Variants in IPO11 observed in about 807,000 individuals in gnomAD.
IPO11 encodes the protein importin-11.
In IPO11, 66 loss-of-function variants were observed where a neutral mutation model predicts 143.2. That is an observed-to-expected ratio of 0.46 (90% confidence interval 0.38 to 0.57). The LOEUF is 0.57. IPO11 is among the 20% of genes least tolerant of loss of function. The probability of loss-of-function intolerance (pLI) is 0.00; values close to 1 mark genes in which losing one functional copy is unlikely to be tolerated. For synonymous variants in IPO11, 385 were observed against 377.8 expected, an observed-to-expected ratio of 1.02 and a Z score of -0.22; for missense variants, 1,026 against 1,141.0, an observed-to-expected ratio of 0.90 and a Z score of 1.45.
At chr5:62,581,456 AGT>A (rs1180844646) in intron 27 of IPO11, 3 of 669,244 alleles carry the variant, frequency 4.5e-6, no homozygotes, top group South Asian at 2.7e-5. Context: ...ATTTGTGAAC[AGT>A]GTATTCATTT....
chr5:62,601,764 C>T lies in IPO11; in HGVS notation c.2679C>T (p.Asp893=), dbSNP rs1221217923. The change falls in exon 29 of 30, where the codon GAC becomes GAT. Residue 893 remains aspartate (D), a splice_region_variant and synonymous_variant. Coordinates refer to ENST00000325324, the MANE Select transcript of IPO11 (RefSeq NM_016338.5). ...TEDPETGTYK[D]CMLMSHLEEP... ...CATGTTTTTTAAAAAATTATTATAG[C>T]TGTATGTTGATGTCTCATCTTGAGG... The T allele has an allele frequency of 6.5e-7, 1 of 1,538,000 alleles. No homozygotes were observed. The highest frequency in any genetic ancestry group is 1.9e-5 in the Admixed American group (1 of 52,284).
At chr5:62,626,265 T>A (rs1027129113) in intron 29 of IPO11, among the ~76,000 whole-genome samples, 2 of 152,188 alleles carry the variant, frequency 1.3e-5, no homozygotes, top group Non-Finnish European at 2.9e-5. Flanking sequence ...CCTGACCTTG[T>A]GATCTGCCTG....
chr5:62,602,745 T>G (rs372342445), intron 29 of IPO11, among the ~76,000 whole-genome samples: 2 of 152,310 alleles, frequency 1.3e-5, no homozygotes, highest in African/African-American at 4.8e-5. Context: ...TTAACTCATT[T>G]TACTTTGCTT....
chr5:62,512,724 T>C (rs201954857), intron 19 of IPO11, among the ~76,000 whole-genome samples: 24,596 of 133,722 alleles, frequency 0.18, no homozygotes, highest in African/African-American at 0.27. Context: ...CAAAGGTCTC[T>C]GGTTTTCCTA....
intron 24 of IPO11, among the ~76,000 whole-genome samples, chr5:62,545,330 C>G (rs375179513): frequency 4.9e-4 from 74 of 152,174 alleles, no homozygotes; most frequent in Middle Eastern, 3.4e-3. Context: ...ACAAACCTGA[C>G]AAAAACAAGC....
intron 7 of IPO11, among the ~76,000 whole-genome samples, chr5:62,472,664 G>T (rs1283634433): frequency 6.6e-6 from 1 of 151,768 alleles, no homozygotes; most frequent in Non-Finnish European, 1.5e-5. Context: ...AGTAGCTGGG[G>T]TTACAGGTGC....
At chr5:62,441,921 C>T (rs1472340665) in intron 2 of IPO11, among the ~76,000 whole-genome samples, 1 of 151,812 alleles carries the variant, frequency 6.6e-6, no homozygotes, top group African/African-American at 2.4e-5. Context: ...TCTCGGCTTA[C>T]TGCAACCTCC....
chr5:62,590,992 G>A (rs906494560), intron 27 of IPO11, among the ~76,000 whole-genome samples: 3 of 152,120 alleles, frequency 2.0e-5, no homozygotes, highest in Non-Finnish European at 4.4e-5. Flanking sequence ...CTGTTCCCAA[G>A]TGTGATCATA....
At position 62,435,122 on chromosome 5, in the gene IPO11, A is replaced by ATG. The variant is rs1245915786; in HGVS notation, c.-6-2151_-6-2150insGT. On this transcript the variant is annotated intron_variant, in intron 1 of 29. Transcript: ENST00000325324. The stretch of plus-strand genomic sequence containing the variant: ...TATGTATATATATGTATATATGTAT[A>ATG]TATGTATATATATGTATATATGTAT... 1.4e-4 allele frequency among the ~76,000 whole-genome samples: 15 copies of ATG among 108,814 alleles called. 1 individual carries two copies. The highest frequency in any genetic ancestry group is 4.7e-4 in the African/African-American group (10 of 21,396). 71.4% of individuals were successfully genotyped at this position (108,814 alleles called of 152,430 possible). A position where few individuals can be genotyped will look rare whatever the true frequency, so the allele number is the denominator to read the frequency against.
chr5:62,610,966 T>C (rs1394728418), intron 29 of IPO11, among the ~76,000 whole-genome samples: 2 of 152,184 alleles, frequency 1.3e-5, no homozygotes, highest in East Asian at 3.8e-4. Context: ...TGTACTTGTT[T>C]TTATCTATGC....
intron 22 of IPO11, among the ~76,000 whole-genome samples, chr5:62,536,414 T>TATTCATTCATTCATTC (rs33998415): frequency 7.9e-6 from 1 of 125,820 alleles, no homozygotes; most frequent in African/African-American, 3.4e-5. Context: ...TTGATACCAG[T>TATTCATTCATTCATTC]ATTCATTCAT....
At chr5:62,541,509 G>T (rs1167082349) in intron 24 of IPO11, among the ~76,000 whole-genome samples, 1 of 93,818 alleles carries the variant, frequency 1.1e-5, no homozygotes, top group Non-Finnish European at 2.2e-5. Context: ...GTGAGGCCCC[G>T]TCTTTACAAA....
chr5:62,568,574 CAAAAAAAAAAAAAA>C (rs66748975), intron 27 of IPO11, among the ~76,000 whole-genome samples: 9 of 51,896 alleles, frequency 1.7e-4, no homozygotes, highest in Admixed American at 2.9e-4. Context: ...ACTCTGTCTC[CAAAAAAAAAAAAAA>C]AAAAAAAAAT....
intron 27 of IPO11, among the ~76,000 whole-genome samples, chr5:62,567,777 G>A (rs1019712448): frequency 1.3e-4 from 20 of 151,536 alleles, no homozygotes; most frequent in Admixed American, 2.6e-4. Flanking sequence ...GGTCAGGCTG[G>A]TCTCAAACTC....
intron 26 of IPO11, among the ~76,000 whole-genome samples, chr5:62,555,209 A>G (rs1743529861): frequency 6.6e-6 from 1 of 150,908 alleles, no homozygotes; most frequent in East Asian, 1.9e-4. Flanking sequence ...TGGCCATTTT[A>G]ATAGTATTAA....
chr5:62,430,741 A>G (rs1373241325), intron 1 of IPO11, among the ~76,000 whole-genome samples: 2 of 147,824 alleles, frequency 1.4e-5, no homozygotes, highest in Non-Finnish European at 3.0e-5. Context: ...GCAGTGGCGC[A>G]ATCTTGGCTG....
At chr5:62,413,086 A>G (rs369457526) in intron 1 of IPO11, among the ~76,000 whole-genome samples, 157 bp downstream of exon 1, 9 of 152,194 alleles carry the variant, frequency 5.9e-5, no homozygotes, top group Non-Finnish European at 1.3e-4. Flanking sequence ...TGTTTGCGCA[A>G]CCTTAGGAAC....
Position 62,429,543 on chromosome 5 carries a change from G to A in IPO11, c.-6-7731G>A, listed in dbSNP as rs984952005. On this transcript the variant is annotated intron_variant, in intron 1 of 29. Transcript: ENST00000325324. ...AGTGATTCTCATGCCTTAGCCTCCC[G>A]AGTAACGAATTACAGGCGCACACCA... 6.0e-5 allele frequency among the ~76,000 whole-genome samples: 9 copies of A among 151,252 alleles called. No individual in the cohort carries two copies. In the East Asian group the frequency reaches 1.6e-3, roughly 26 times the overall value.
At chr5:62,424,044 G>T (rs984753563) in intron 1 of IPO11, among the ~76,000 whole-genome samples, 1 of 151,760 alleles carries the variant, frequency 6.6e-6, no homozygotes, top group Non-Finnish European at 1.5e-5. Flanking sequence ...TCTGAGACAT[G>T]GTCTCACTCT....
Sources: allele counts gnomAD v4.1 joint callset (sites outside exome capture counted in the v4.1 genomes callset), GRCh38; gene constraint gnomAD v4.1.1; transcripts MANE v1.5; gene names NCBI Gene and HGNC (gene_info 2026-07-23, HGNC 2026-07-21).